PDE11A: variants seen among roughly 807,000 people sequenced by gnomAD.
PDE11A encodes the protein phosphodiesterase 11A, also known as dual 3',5'-cyclic-AMP and -GMP phosphodiesterase 11A.
Under a neutral mutation model 100.5 loss-of-function variants are expected in PDE11A, and 100 were observed. The ratio of observed to expected loss-of-function variants is 1.00; its 90% CI spans 0.85 to 1.18. PDE11A has a LOEUF of 1.18. Ranked by LOEUF, PDE11A falls within the 50% of genes most tolerant of loss-of-function variation. PDE11A has a pLI of 0.00. For missense variants in PDE11A, 1,141 were observed against 1,152.6 expected, an observed-to-expected ratio of 0.99 and a Z score of 0.15; for synonymous variants, 381 against 420.8, an observed-to-expected ratio of 0.91 and a Z score of 1.16.
At position 178,071,619 on chromosome 2, in the gene PDE11A, C is replaced by T. The variant is rs1283925727; in HGVS notation, c.819G>A (p.Glu273=). The T allele has an allele frequency of 6.2e-7, 1 of 1,613,932 alleles. No individual in the cohort carries two copies. The highest frequency in any genetic ancestry group is 1.7e-4 in the Middle Eastern group (1 of 6,058). The change falls in exon 1 of 20, where the codon GAG becomes GAA. Residue 273 remains glutamate (E), a synonymous_variant. Coordinates refer to ENST00000286063, the MANE Select transcript of PDE11A (RefSeq NM_016953.4). ...AGGGGACCTGCACCTCATTTGAGTT[C>T]TCTGTGCTGCTGCAAGGCAGCAGAG... ...GTPLLPCSST[E]NSNEVQVPWG... is the part of the protein sequence containing the mutation.
In PDE11A at chr2:177,663,956, T is replaced by TG. The variant is rs776208751; in HGVS notation, c.2563-8dup. 3.5e-5 allele frequency: 56 copies of TG among 1,595,706 alleles called. No homozygotes were observed. Among genetic ancestry groups the TG allele is most frequent in the Non-Finnish European group, 4.7e-5 (55 of 1,163,364 alleles). ...GGTTCCGATCAAAAATTGCCTAGAA[T>TG]GGGGGGCAGGAAGAACCTCGCTTTA... On this transcript the variant is annotated splice_polypyrimidine_tract_variant and splice_region_variant and intron_variant, in intron 18 of 19. Transcript: ENST00000286063.
intron 5 of PDE11A, among the ~76,000 whole-genome samples, chr2:177,875,221 G>A (rs538131580): frequency 3.8e-4 from 57 of 151,714 alleles, no homozygotes; most frequent in Admixed American, 3.3e-3. Flanking sequence ...GAGACTCCAC[G>A]TTAAAAAACA....
intron 2 of PDE11A, among the ~76,000 whole-genome samples, chr2:177,985,117 T>C (rs980457401): frequency 6.6e-6 from 1 of 152,238 alleles, no homozygotes; most frequent in Non-Finnish European, 1.5e-5. Context: ...TTTGATATAA[T>C]TGAAATCAGG....
intron 4 of PDE11A, among the ~76,000 whole-genome samples, chr2:177,882,212 G>A (rs1245431445): frequency 6.6e-6 from 1 of 152,168 alleles, no homozygotes; most frequent in Non-Finnish European, 1.5e-5. Flanking sequence ...GCCATTGGCT[G>A]CTCCTCAAAG....
At chr2:177,845,392 G>A (rs1433430027) in intron 5 of PDE11A, among the ~76,000 whole-genome samples, 9 of 151,170 alleles carry the variant, frequency 6.0e-5, no homozygotes, top group African/African-American at 1.5e-4. Flanking sequence ...CATCCCAGAC[G>A]GGGCAGCGGG....
intron 2 of PDE11A, among the ~76,000 whole-genome samples, chr2:177,993,689 C>G (rs1398859088): frequency 6.6e-6 from 1 of 151,952 alleles, no homozygotes; most frequent in Non-Finnish European, 1.5e-5. Context: ...TTTGAGCTCC[C>G]CTCTTCCTAA....
At chr2:177,785,632 T>C (rs2082522815) in intron 9 of PDE11A, among the ~76,000 whole-genome samples, 1 of 152,122 alleles carries the variant, frequency 6.6e-6, no homozygotes, top group Non-Finnish European at 1.5e-5. Context: ...CCTTTCCTAG[T>C]CAAAGAAAGG....
chr2:178,078,898 C>A (rs1303753641), intron 2 of PDE11A, among the ~76,000 whole-genome samples: 1 of 152,076 alleles, frequency 6.6e-6, no homozygotes, highest in Non-Finnish European at 1.5e-5. Flanking sequence ...CCTCAAGGAA[C>A]ATGTACAGTA....
intron 15 of PDE11A, chr2:177,687,127 A>G (rs1574044751): frequency 6.6e-6 from 1 of 152,206 alleles, no homozygotes; most frequent in Admixed American, 6.5e-5. Context: ...ATGATATGGC[A>G]AGATCATGTA....
intron 19 of PDE11A, among the ~76,000 whole-genome samples, chr2:177,653,093 G>A (rs1398863071): frequency 6.6e-6 from 1 of 152,186 alleles, no homozygotes; most frequent in Admixed American, 6.5e-5. Context: ...TTGGTTCATC[G>A]AGAGAATATG....
chr2:177,845,148 G>C (rs1441617493), intron 5 of PDE11A, among the ~76,000 whole-genome samples: 3 of 151,684 alleles, frequency 2.0e-5, no homozygotes. Flanking sequence ...CCCGGACGGG[G>C]CGGCTGGCCG....
intron 2 of PDE11A, among the ~76,000 whole-genome samples, chr2:177,907,930 T>C (rs13021204): frequency 0.062 from 9,516 of 152,262 alleles, 310 homozygotes; most frequent in South Asian, 0.094. Flanking sequence ...ACTGTTTTTT[T>C]GTCACTGATC....
rs1455296372 is a variant in PDE11A, at chr2:177,625,518, A to G, written c.*3889T>C. On this transcript the variant is annotated 3_prime_UTR_variant, in exon 20 of 20. Coordinates refer to ENST00000286063, the MANE Select transcript of PDE11A (RefSeq NM_016953.4). ...ATTGTAGATTGTGCACATAATAGCT[A>G]CATAGTGACTAGTAAGAATAAATAT... 6.6e-6 allele frequency: 1 copy of G among 152,452 alleles called. No homozygotes were observed. The highest frequency in any genetic ancestry group is 1.5e-5 in the Non-Finnish European group (1 of 68,038). The allele number at this position is 152,452 out of a possible 1,614,324, so 9.4% of individuals were successfully genotyped here.
intron 2 of PDE11A, among the ~76,000 whole-genome samples, chr2:178,014,092 A>G (rs927590349): frequency 3.3e-5 from 5 of 152,174 alleles, no homozygotes; most frequent in African/African-American, 1.2e-4. Flanking sequence ...AGCAAGCTAC[A>G]AAAAAAGATG....
intron 1 of PDE11A, among the ~76,000 whole-genome samples, chr2:178,070,048 G>T (rs370842284): frequency 6.6e-6 from 1 of 152,098 alleles, no homozygotes; most frequent in East Asian, 1.9e-4. Flanking sequence ...TATTTCTCTA[G>T]AAATAATAAT....
intron 14 of PDE11A, among the ~76,000 whole-genome samples, chr2:177,698,238 C>T (rs1331368674): frequency 2.6e-5 from 4 of 152,158 alleles, no homozygotes; most frequent in East Asian, 1.9e-4. Context: ...TCTAAAATGA[C>T]GTTTACCTAA....
chr2:177,782,133 A>G (rs905277483), intron 9 of PDE11A, among the ~76,000 whole-genome samples: 4 of 152,226 alleles, frequency 2.6e-5, no homozygotes, highest in African/African-American at 9.6e-5. Context: ...TTCCCAAACT[A>G]TCTTTCCCTC....
chr2:177,685,198 TAAAC>T (rs1262576318), intron 15 of PDE11A, among the ~76,000 whole-genome samples: 1 of 152,200 alleles, frequency 6.6e-6, no homozygotes, highest in Non-Finnish European at 1.5e-5. Flanking sequence ...AGCTAATCAT[TAAAC>T]AAACAAACTC....
intron 19 of PDE11A, among the ~76,000 whole-genome samples, chr2:177,631,556 T>C (rs2079939945): frequency 3.9e-5 from 1 of 25,760 alleles, no homozygotes; most frequent in African/African-American, 1.4e-4. Flanking sequence ...TACACATGTA[T>C]ATATATATAT....
Sources: gnomAD v4.1 joint callset for allele counts (sites outside exome capture counted in the v4.1 genomes callset) on GRCh38, gnomAD v4.1.1 for gene constraint, MANE v1.5 for transcripts, NCBI Gene and HGNC (gene_info 2026-07-23, HGNC 2026-07-21) for gene names.